CACNA1C: variants seen among roughly 807,000 people sequenced by gnomAD.
CACNA1C encodes voltage-dependent L-type calcium channel subunit alpha-1C.
In CACNA1C, 30 loss-of-function variants were observed where a neutral mutation model predicts 229.0. The observed-to-expected ratio is 0.13, with a 90% CI of 0.10 to 0.18. The LOEUF (loss-of-function observed/expected upper bound fraction) is 0.18, where lower values mean the gene tolerates loss of function less well. CACNA1C is among the 10% of genes least tolerant of loss of function. CACNA1C has a pLI of 1.00. For synonymous variants in CACNA1C, 1,114 were observed against 1,132.5 expected (o/e 0.98, Z 0.33); for missense variants, 1,658 against 2,845.0 (o/e 0.58, Z 9.49).
At chr12:2,192,021 T>C (rs1239589152) in intron 3 of CACNA1C, among the ~76,000 whole-genome samples, 2 of 141,978 alleles carry the variant, frequency 1.4e-5, no homozygotes, top group East Asian at 2.1e-4. Context: ...CGTTCACACA[T>C]ATACACGCAC....
intron 1 of CACNA1C, among the ~76,000 whole-genome samples, chr12:2,061,969 G>A (rs186437254): frequency 1.3e-5 from 2 of 152,318 alleles, no homozygotes; most frequent in African/African-American, 4.8e-5. Flanking sequence ...GATCAAAATA[G>A]GAAAGAGCTT....
intron 3 of CACNA1C, among the ~76,000 whole-genome samples, chr12:2,309,935 G>A (rs1159213121): frequency 2.0e-5 from 3 of 152,316 alleles, no homozygotes; most frequent in Admixed American, 2.0e-4. Context: ...TTAAAGGTCT[G>A]TATGGTATCT....
At chr12:2,210,835 T>A (rs2097897777) in intron 3 of CACNA1C, among the ~76,000 whole-genome samples, 1 of 152,140 alleles carries the variant, frequency 6.6e-6, no homozygotes, top group South Asian at 2.1e-4. Context: ...TGGGGGCAGA[T>A]TGAAGCTAGG....
At chr12:2,583,029 G>C in intron 15 of CACNA1C, 87 bp downstream of exon 15, 2 of 981,452 alleles carry the variant, frequency 2.0e-6, no homozygotes, top group Non-Finnish European at 3.1e-6. Context: ...CTCAGGTCCG[G>C]GCGGTCCTGC....
intron 3 of CACNA1C, among the ~76,000 whole-genome samples, chr12:2,388,585 G>A (rs1471009460): frequency 6.6e-6 from 1 of 152,232 alleles, no homozygotes; most frequent in African/African-American, 2.4e-5. Flanking sequence ...TGTTGGGTTT[G>A]TGGAGTTTGC....
rs1030331792 is a variant in CACNA1C at position 2,665,854 on chromosome 12, G to A, written c.4526+146G>A. 8.8e-6 allele frequency: 7 copies of A among 797,128 alleles called. No homozygotes were observed. The South Asian group carries it at 1.5e-4, about 17-fold the overall frequency. 49.4% of individuals were successfully genotyped at this position (797,128 alleles called of 1,614,324 possible). ...ATCACACCCTAGGGTGAAAGGTCAA[G>A]GGCCAGCAGGAGGAGGCCCGGCACC... On this transcript the variant is annotated intron_variant, in intron 36 of 46. Transcript: ENST00000399655. The surrounding 1 kb of genome is among the most constrained non-coding windows in gnomAD (Gnocchi z 5.9).
intron 38 of CACNA1C, among the ~76,000 whole-genome samples, chr12:2,671,282 G>C (rs985999679): frequency 6.6e-6 from 1 of 152,196 alleles, no homozygotes; most frequent in African/African-American, 2.4e-5. Flanking sequence ...CAAAGTGCTG[G>C]GATGACAGGC....
At chr12:2,260,475 TAAAAA>T (rs549203538) in intron 3 of CACNA1C, among the ~76,000 whole-genome samples, 54 of 100,984 alleles carry the variant, frequency 5.3e-4, no homozygotes, top group South Asian at 1.7e-3. Flanking sequence ...CTGTCTCTAT[TAAAAA>T]AAAAAAAAAA....
At chr12:2,337,583 C>CGT (rs1227799993) in intron 3 of CACNA1C, among the ~76,000 whole-genome samples, 2 of 152,220 alleles carry the variant, frequency 1.3e-5, no homozygotes, top group Non-Finnish European at 2.9e-5. Flanking sequence ...TTTGGAGTGC[C>CGT]GTGTTCAACC....
intron 3 of CACNA1C, among the ~76,000 whole-genome samples, chr12:2,339,159 A>G (rs56081926): frequency 0.091 from 13,793 of 152,322 alleles, 1,872 homozygotes; most frequent in African/African-American, 0.29. Flanking sequence ...CACCTAGGCT[A>G]TATGGCGTAG....
chr12:2,168,771 G>A (rs2096355610), intron 3 of CACNA1C, among the ~76,000 whole-genome samples: 2 of 152,150 alleles, frequency 1.3e-5, no homozygotes, highest in Non-Finnish European at 2.9e-5. Context: ...ATTGCAAAGT[G>A]TACCCAAATT....
At chr12:2,560,258 A>G (rs1179963125) in intron 11 of CACNA1C, among the ~76,000 whole-genome samples, 1 of 152,256 alleles carries the variant, frequency 6.6e-6, no homozygotes, top group Non-Finnish European at 1.5e-5. Context: ...AACGTTTTCA[A>G]AGTATTCCTG....
At chr12:2,577,289 C>A (rs1053953376) in intron 13 of CACNA1C, among the ~76,000 whole-genome samples, 6 of 152,178 alleles carry the variant, frequency 3.9e-5, no homozygotes, top group African/African-American at 1.4e-4. Context: ...TAGGCTGGTG[C>A]CAATTCATCT....
chr12:2,418,077 C>CCGCT (rs2098933413), intron 3 of CACNA1C, among the ~76,000 whole-genome samples: 1 of 152,136 alleles, frequency 6.6e-6, no homozygotes, highest in African/African-American at 2.4e-5. Context: ...GATGAGGGAG[C>CCGCT]CGCTCCCTCT....
At chr12:2,440,929 T>C (rs2099218520) in intron 3 of CACNA1C, among the ~76,000 whole-genome samples, 1 of 152,154 alleles carries the variant, frequency 6.6e-6, no homozygotes, top group African/African-American at 2.4e-5. Flanking sequence ...GATGAATACA[T>C]GGGAGAAGAA....
chr12:2,685,725 C>T lies in CACNA1C; in HGVS notation c.5574-11C>T, dbSNP rs780475100. 1.9e-6 allele frequency: 3 copies of T among 1,607,022 alleles called. No individual in the cohort carries two copies. The South Asian group carries it at 3.3e-5, about 18-fold the overall frequency. ...CCTCCAGGAACAAGCCCCATGAGCT[C>T]TCTGTTCCAGGCTCTCCTACCAGGA... On this transcript the variant is annotated splice_polypyrimidine_tract_variant and intron_variant, in intron 43 of 46. Transcript: ENST00000399655.
chr12:2,620,954 T>C (rs943427965), intron 29 of CACNA1C, among the ~76,000 whole-genome samples: 1 of 152,228 alleles, frequency 6.6e-6, no homozygotes. Context: ...ATTGAGACCA[T>C]TGAGCTTCCA....
chr12:2,595,426 C>T lies in CACNA1C; in HGVS notation c.2664-448C>T, dbSNP rs1244525221. ...TGCTGGGGCATGGAAGTGAATTGCACATTTAAAGCTATTACACAGGAGCAG... is the reference window on the plus strand; with the variant it reads ...TGCTGGGGCATGGAAGTGAATTGCATATTTAAAGCTATTACACAGGAGCAG... On this transcript the variant is annotated intron_variant, in intron 19 of 46. Transcript: ENST00000399655. This position sits in a 1 kb window ranked among gnomAD's most constrained non-coding sequence, Gnocchi z 4.1. Among the ~76,000 whole-genome samples the T allele has an allele frequency of 6.6e-6, 1 of 152,136 alleles. No individual in the cohort carries two copies. Among genetic ancestry groups the T allele is most frequent in the Non-Finnish European group, 1.5e-5 (1 of 68,034 alleles).
rs373754034 is a variant in CACNA1C, at chr12:2,410,868, T to TCCTATCCTTCCCTTCTCCTGGCTGC, written c.478-38081_478-38057dup. ...CTGACCCTGGCTGTGAGGATGGCCT[T>TCCTATCCTTCCCTTCTCCTGGCTGC]CCTATCCTTCCCTTCTCCTGGCTGC... On this transcript the variant is annotated intron_variant, in intron 3 of 46. Coordinates refer to ENST00000399655, the MANE Select transcript of CACNA1C (RefSeq NM_000719.7). This position sits in a 1 kb window ranked among gnomAD's most constrained non-coding sequence, Gnocchi z 5.3. Among the ~76,000 whole-genome samples the TCCTATCCTTCCCTTCTCCTGGCTGC allele has an allele frequency of 1.3e-5, 2 of 151,912 alleles. No homozygotes were observed. The highest frequency in any genetic ancestry group is 2.9e-5 in the Non-Finnish European group (2 of 67,970).
Sources: allele counts gnomAD v4.1 joint callset (sites outside exome capture counted in the v4.1 genomes callset), GRCh38; gene constraint gnomAD v4.1.1; non-coding constraint Gnocchi (gnomAD v3.1); transcripts MANE v1.5; gene names NCBI Gene and HGNC (gene_info 2026-07-23, HGNC 2026-07-21).